Variants in CNBD1 observed in about 807,000 individuals in gnomAD.
The protein encoded by CNBD1 is cyclic nucleotide binding domain containing 1, also known as cyclic nucleotide-binding domain-containing protein 1.
In CNBD1, 71 loss-of-function variants were observed where a neutral mutation model predicts 54.4. The observed-to-expected ratio is 1.30, with a 90% CI of 1.08 to 1.59. CNBD1 has a LOEUF of 1.59. Ranked by LOEUF, CNBD1 falls within the 40% of genes most tolerant of loss-of-function variation. CNBD1 has a pLI of 0.00. For missense variants in CNBD1, 659 were observed against 518.0 expected, an observed-to-expected ratio of 1.27 and a Z score of -2.64; for synonymous variants, 182 against 170.7, an observed-to-expected ratio of 1.07 and a Z score of -0.51.
At chr8:87,380,789 T>C (rs1438077329) in intron 10 of CNBD1, among the ~76,000 whole-genome samples, 3 of 152,108 alleles carry the variant, frequency 2.0e-5, no homozygotes, top group South Asian at 4.1e-4. Flanking sequence ...GTAAATGGGG[T>C]TGTTTTACTA....
At chr8:87,302,851 CAGAG>C (rs1809040698) in intron 8 of CNBD1, among the ~76,000 whole-genome samples, 2 of 152,048 alleles carry the variant, frequency 1.3e-5, no homozygotes, top group Non-Finnish European at 1.5e-5. Context: ...AACAGACAAA[CAGAG>C]AGCCAAATCA....
At chr8:87,043,076 A>G (rs1040815612) in intron 4 of CNBD1, among the ~76,000 whole-genome samples, 1 of 152,248 alleles carries the variant, frequency 6.6e-6, no homozygotes, top group Non-Finnish European at 1.5e-5. Context: ...ATGCTGCAAC[A>G]GGCAGCACAG....
chr8:87,382,083 C>G (rs1291010248), intron 10 of CNBD1, among the ~76,000 whole-genome samples: 3 of 151,324 alleles, frequency 2.0e-5, no homozygotes, highest in Non-Finnish European at 3.0e-5. Context: ...TATTAAAAAA[C>G]TATAAAAATG....
intron 4 of CNBD1, among the ~76,000 whole-genome samples, chr8:87,036,170 A>G (rs777317079): frequency 3.3e-5 from 5 of 152,186 alleles, no homozygotes; most frequent in Non-Finnish European, 7.3e-5. Flanking sequence ...ATGTTATGAA[A>G]ATGTAGGATT....
intron 2 of CNBD1, among the ~76,000 whole-genome samples, chr8:86,904,216 G>A (rs1042496744): frequency 2.0e-5 from 3 of 151,884 alleles, no homozygotes; most frequent in Non-Finnish European, 1.5e-5. Flanking sequence ...ATTGTCATGC[G>A]GCAACTATTG....
chr8:87,318,208 T>G (rs762328936), intron 8 of CNBD1, among the ~76,000 whole-genome samples: 3 of 152,114 alleles, frequency 2.0e-5, no homozygotes, highest in Non-Finnish European at 4.4e-5. Context: ...AATTAATTTT[T>G]CTCTTTATTA....
intron 2 of CNBD1, among the ~76,000 whole-genome samples, chr8:87,390,484 G>GA: frequency 6.6e-6 from 1 of 152,202 alleles, no homozygotes; most frequent in East Asian, 1.9e-4. Flanking sequence ...AAAGAAACAT[G>GA]AAAAAATGCT....
At position 87,093,056 on chromosome 8, in the gene CNBD1, A is replaced by G. The variant is rs1811249389; in HGVS notation, c.432-112937A>G. Among the ~76,000 whole-genome samples the G allele has an allele frequency of 2.0e-5, 3 of 152,166 alleles. No homozygotes were observed. In the South Asian group the frequency reaches 6.2e-4, roughly 31 times the overall value. On this transcript the variant is annotated intron_variant, in intron 4 of 10. Transcript: ENST00000518476. ...ATCAGGGACTAAGGATTTTTAATGT[A>G]TGAATAAACACAATCTTTTCTTCTC... is the stretch of plus-strand genomic sequence containing the variant.
intron 4 of CNBD1, among the ~76,000 whole-genome samples, chr8:87,064,201 T>A (rs994119127): frequency 7.9e-5 from 12 of 152,076 alleles, no homozygotes; most frequent in African/African-American, 1.4e-4. Context: ...TTACAGACGT[T>A]AGTCTACTGA....
At chr8:87,043,266 C>T (rs1810112744) in intron 4 of CNBD1, among the ~76,000 whole-genome samples, 1 of 152,158 alleles carries the variant, frequency 6.6e-6, no homozygotes, top group Admixed American at 6.5e-5. Flanking sequence ...ATCTAGGACC[C>T]TCCCTGACCT....
In CNBD1 at chr8:87,374,585, T is replaced by A. The variant is rs78584796; in HGVS notation, c.1304-8035T>A. On this transcript the variant is annotated intron_variant, in intron 10 of 10. Transcript: ENST00000518476. ...GAACAACTCTCTCTTTTGTCTTCAT[T>A]AGTACTGGGGCACGTTAAATTTCCC... Among the ~76,000 whole-genome samples the A allele has an allele frequency of 3.2e-3, 483 of 151,978 alleles. 2 individuals are homozygous for A. The highest frequency in any genetic ancestry group is 0.01 in the African/African-American group (429 of 41,518).
At chr8:87,360,788 C>A (rs998941999) in intron 10 of CNBD1, among the ~76,000 whole-genome samples, 3 of 151,754 alleles carry the variant, frequency 2.0e-5, no homozygotes, top group Non-Finnish European at 4.4e-5. Context: ...AATTTCAATT[C>A]CAAGGTGTTA....
At chr8:86,871,144 TA>T (rs1310218522) in intron 1 of CNBD1, among the ~76,000 whole-genome samples, 1 of 152,184 alleles carries the variant, frequency 6.6e-6, no homozygotes, top group Non-Finnish European at 1.5e-5. Context: ...TATGGGAACT[TA>T]AATGTGAGCT....
intron 10 of CNBD1, among the ~76,000 whole-genome samples, chr8:87,380,749 C>G (rs1811056521): frequency 6.6e-6 from 1 of 151,828 alleles, no homozygotes; most frequent in Admixed American, 6.6e-5. Flanking sequence ...TAAGTTTATT[C>G]TAAGTATTTT....
chr8:87,009,772 T>G (rs1199225015), intron 4 of CNBD1, among the ~76,000 whole-genome samples: 1 of 152,208 alleles, frequency 6.6e-6, no homozygotes, highest in Admixed American at 6.6e-5. Context: ...TCACATCTTC[T>G]GGTGACAAAT....
rs185448759 is a variant in CNBD1 at position 87,426,243 on chromosome 8, G to C, written c.214-2303G>C. ...TGGCACTCCCTAGTGAGATGAACCC[G>C]GTACCTCAGATGGAAATGCAGAAAT... is the stretch of plus-strand genomic sequence containing the variant. On this transcript the variant is annotated intron_variant, in intron 2 of 7. Transcript: ENST00000521593. Among the ~76,000 whole-genome samples the C allele has an allele frequency of 3.8e-3, 582 of 152,252 alleles. 2 individuals are homozygous for C. The highest frequency in any genetic ancestry group is 0.013 in the African/African-American group (545 of 41,552).
chr8:86,988,915 T>G (rs1282245298), intron 4 of CNBD1, among the ~76,000 whole-genome samples: 1 of 152,154 alleles, frequency 6.6e-6, no homozygotes, highest in Non-Finnish European at 1.5e-5. Flanking sequence ...CTTTATCCAT[T>G]TTTTTGTTGA....
At chr8:87,143,843 T>A (rs1812425685) in intron 4 of CNBD1, among the ~76,000 whole-genome samples, 2 of 152,156 alleles carry the variant, frequency 1.3e-5, no homozygotes, top group East Asian at 1.9e-4. Flanking sequence ...ATGTAATTTT[T>A]AAAAAACATT....
At position 87,335,669 on chromosome 8, in the gene CNBD1, CTG is replaced by C. The variant is rs558777105; in HGVS notation, c.1043-16012_1043-16011del. Among the ~76,000 whole-genome samples the C allele has an allele frequency of 2.6e-5, 4 of 152,208 alleles. No individual in the cohort carries two copies. In the East Asian group the frequency reaches 7.8e-4, roughly 30 times the overall value. On this transcript the variant is annotated intron_variant, in intron 8 of 10. Coordinates refer to ENST00000518476, the MANE Select transcript of CNBD1 (RefSeq NM_173538.3). ...TTGACTCTTTATCCAATTTGTCAGT[CTG>C]TGTCTTTTAATTGGGCCATTTAGCT...
Sources: gnomAD v4.1 joint callset for allele counts (sites outside exome capture counted in the v4.1 genomes callset) on GRCh38, gnomAD v4.1.1 for gene constraint, MANE v1.5 for transcripts, NCBI Gene and HGNC (gene_info 2026-07-23, HGNC 2026-07-21) for gene names.